The following SRGAP2B variants were observed in gnomAD, a reference collection of about 807,000 sequenced individuals.
The protein encoded by SRGAP2B is SLIT-ROBO Rho GTPase-activating protein 2B.
In SRGAP2B, 9 loss-of-function variants were observed where a neutral mutation model predicts 22.2. That is an observed-to-expected ratio of 0.41 (90% CI 0.24 to 0.71). The LOEUF is 0.71. Among genes scored for constraint, SRGAP2B ranks in the 30% least tolerant of loss-of-function variants. The pLI is 0.35. For synonymous variants in SRGAP2B, 36 were observed against 87.4 expected (o/e 0.41, Z 3.28); for missense variants, 114 against 235.8 (o/e 0.48, Z 3.38).
intron 1 of SRGAP2B, among the ~76,000 whole-genome samples, chr1:145,093,920 G>A (rs1305851708): frequency 3.4e-5 from 5 of 148,582 alleles, no homozygotes; most frequent in Admixed American, 6.6e-5. Flanking sequence ...TTTTGTTTTT[G>A]GTTACTAGCT....
chr1:144,906,106 G>A (rs1477140995), intron 5 of SRGAP2B, 32 bp from the exon 6 acceptor site: 2 of 708,396 alleles, frequency 2.8e-6, no homozygotes, highest in East Asian at 5.4e-5. Flanking sequence ...CACCCCCAGA[G>A]GTCAAGCCAA....
intron 5 of SRGAP2B, among the ~76,000 whole-genome samples, chr1:144,909,097 G>T (rs1663207097): frequency 6.7e-6 from 1 of 148,786 alleles, no homozygotes; most frequent in Admixed American, 6.7e-5. Context: ...TATCATTTAG[G>T]TATAAATTGA....
chr1:144,945,678 C>G (rs1305253197), intron 4 of SRGAP2B, among the ~76,000 whole-genome samples: 1 of 148,566 alleles, frequency 6.7e-6, no homozygotes, highest in African/African-American at 2.6e-5. Flanking sequence ...AGAACCACAG[C>G]TGATTTCTCA....
At chr1:144,941,606 T>C (rs1666058615) in intron 4 of SRGAP2B, among the ~76,000 whole-genome samples, 1 of 148,890 alleles carries the variant, frequency 6.7e-6, no homozygotes, top group South Asian at 2.1e-4. Flanking sequence ...AGTCCAGTAT[T>C]GTAAGGAAAG....
intron 2 of SRGAP2B, among the ~76,000 whole-genome samples, chr1:145,030,532 TCA>T (rs1648161300): frequency 4.7e-5 from 1 of 21,240 alleles, no homozygotes. Context: ...ATGGGGAACA[TCA>T]CACACAGGGG....
At chr1:144,928,448 T>C (rs1664918197) in intron 4 of SRGAP2B, among the ~76,000 whole-genome samples, 1 of 124,596 alleles carries the variant, frequency 8.0e-6, no homozygotes, top group Non-Finnish European at 1.8e-5. Flanking sequence ...TATTTATTTA[T>C]TTATTTTGAG....
exon 3 of SRGAP2B, chr1:144,995,152 C>T (rs1670581500): frequency 2.9e-6 from 3 of 1,049,158 alleles, no homozygotes; most frequent in Non-Finnish European, 4.1e-6. Context: ...CCGAAGCTCA[C>T]ACTGCTGGTC....
At chr1:144,957,082 C>T (rs1553610474) in intron 3 of SRGAP2B, among the ~76,000 whole-genome samples, 1 of 150,320 alleles carries the variant, frequency 6.7e-6, no homozygotes, top group Non-Finnish European at 1.5e-5. Context: ...GAATTCAAAC[C>T]AAGCCTATAA....
At chr1:144,985,347 A>G (rs1157501523) in intron 3 of SRGAP2B, among the ~76,000 whole-genome samples, 1 of 146,306 alleles carries the variant, frequency 6.8e-6, no homozygotes, top group Non-Finnish European at 1.5e-5. Flanking sequence ...AAAATAGCAG[A>G]AGGTCTCTGC....
In SRGAP2B at chr1:144,940,711, G is replaced by A. The variant is rs587679492; in HGVS notation, c.423+14728C>T. Among the ~76,000 whole-genome samples, 28 of 146,996 alleles carry A rather than the reference G, an allele frequency of 1.9e-4. 1 individual carries two copies. Among genetic ancestry groups the A allele is most frequent in the East Asian group, 1.0e-3 (5 of 5,004 alleles). ...CCGGCTACTCGGGAGGCTGAGGCAC[G>A]AGAATCACTTGAACCCGGGAGGCGG... On this transcript the variant is annotated intron_variant, in intron 4 of 9. Coordinates refer to ENST00000612199, the Ensembl canonical transcript of SRGAP2B.
At chr1:145,011,482 T>C (rs1221877839) in intron 2 of SRGAP2B, among the ~76,000 whole-genome samples, 3 of 150,782 alleles carry the variant, frequency 2.0e-5, no homozygotes, top group African/African-American at 5.0e-5. Flanking sequence ...CTCATAGCCA[T>C]CTAACAGGTA....
intron 2 of SRGAP2B, among the ~76,000 whole-genome samples, chr1:145,036,469 C>A (rs1648730940): frequency 3.6e-5 from 2 of 55,962 alleles, no homozygotes; most frequent in Non-Finnish European, 3.4e-5. Flanking sequence ...TCAGCTACCA[C>A]CTATTGAGGG....
At chr1:144,997,180 G>A (rs1426900979) in intron 2 of SRGAP2B, among the ~76,000 whole-genome samples, 1 of 150,590 alleles carries the variant, frequency 6.6e-6, no homozygotes, top group Non-Finnish European at 1.5e-5. Flanking sequence ...TGTAATCCCA[G>A]CACTTTGGGA....
chr1:144,963,194 C>A (rs1442328167), intron 3 of SRGAP2B, among the ~76,000 whole-genome samples: 3 of 150,392 alleles, frequency 2.0e-5, no homozygotes, highest in Non-Finnish European at 2.9e-5. Context: ...GCTGTTAAAC[C>A]CTCTTGGTAC....
intron 2 of SRGAP2B, among the ~76,000 whole-genome samples, chr1:145,044,207 T>G (rs587639008): frequency 8.1e-6 from 1 of 122,860 alleles, no homozygotes; most frequent in Admixed American, 7.7e-5. Flanking sequence ...CTGGAACACC[T>G]TTTTTTTTTT....
chr1:145,041,112 G>A (rs1649206600), intron 2 of SRGAP2B, among the ~76,000 whole-genome samples: 1 of 94,570 alleles, frequency 1.1e-5, no homozygotes, highest in Non-Finnish European at 2.1e-5. Flanking sequence ...TATATAGTCT[G>A]CTTTCCTACC....
At chr1:144,956,646 C>T (rs1667289939) in intron 3 of SRGAP2B, among the ~76,000 whole-genome samples, 2 of 147,700 alleles carry the variant, frequency 1.4e-5, no homozygotes, top group South Asian at 4.3e-4. Context: ...TGGGTTTTCA[C>T]CATGTTGACC....
At chr1:145,009,312 G>T (rs1216217692) in intron 2 of SRGAP2B, among the ~76,000 whole-genome samples, 1 of 150,630 alleles carries the variant, frequency 6.6e-6, no homozygotes, top group Non-Finnish European at 1.5e-5. Context: ...CTGGCGGCCG[G>T]GCGCGGTGGC....
chr1:144,969,812 A>G lies in SRGAP2B; in HGVS notation c.261-14211T>C, dbSNP rs1668362343. Among the ~76,000 whole-genome samples the G allele has an allele frequency of 2.0e-5, 3 of 150,920 alleles. No homozygotes were observed. In the East Asian group the frequency reaches 5.8e-4, roughly 29 times the overall value. The stretch of plus-strand genomic sequence containing the variant: ...CAAATTTACAAGAAAAAAAACAAAC[A>G]ACCCCATCAAAAAGTGGGTGAAGGA... On this transcript the variant is annotated intron_variant, in intron 3 of 9. Transcript: ENST00000612199.
Sources: gnomAD v4.1 joint callset for allele counts (sites outside exome capture counted in the v4.1 genomes callset) on GRCh38, gnomAD v4.1.1 for gene constraint, MANE v1.5 for transcripts, NCBI Gene and HGNC (gene_info 2026-07-23, HGNC 2026-07-21) for gene names.